SPATA16: variants seen among roughly 807,000 people sequenced by gnomAD.
The protein encoded by SPATA16 is spermatogenesis-associated protein 16.
SPATA16 carries 36 observed loss-of-function variants against 63.3 expected under a neutral mutation model. The observed-to-expected ratio is 0.57, with a 90% CI of 0.44 to 0.75. The LOEUF (loss-of-function observed/expected upper bound fraction) is 0.75. Among genes scored for constraint, SPATA16 ranks in the 30% least tolerant of loss-of-function variants. The probability of loss-of-function intolerance (pLI) is 0.00; values close to 1 mark genes in which losing one functional copy is unlikely to be tolerated. For missense variants in SPATA16, 646 were observed against 679.3 expected (o/e 0.95, Z 0.54); for synonymous variants, 203 against 216.7 (o/e 0.94, Z 0.56).
chr3:173,020,221 C>T (rs1309520800), intron 3 of SPATA16, among the ~76,000 whole-genome samples: 3 of 151,194 alleles, frequency 2.0e-5, no homozygotes, highest in Non-Finnish European at 2.9e-5. Flanking sequence ...TGCTTGAACC[C>T]GGGAGGCAGA....
At chr3:173,107,242 T>C (rs891520963) in intron 2 of SPATA16, among the ~76,000 whole-genome samples, 3 of 151,606 alleles carry the variant, frequency 2.0e-5, no homozygotes, top group Non-Finnish European at 2.9e-5. Context: ...TGTAATTTGC[T>C]CTGTAAAATC....
chr3:173,036,172 A>G (rs1735711543), intron 3 of SPATA16, among the ~76,000 whole-genome samples: 1 of 152,018 alleles, frequency 6.6e-6, no homozygotes, highest in Non-Finnish European at 1.5e-5. Context: ...ACTTGGAAGA[A>G]TGGCTAACAA....
At chr3:172,990,014 A>G (rs1186050178) in intron 4 of SPATA16, among the ~76,000 whole-genome samples, 1 of 152,190 alleles carries the variant, frequency 6.6e-6, no homozygotes, top group Non-Finnish European at 1.5e-5. Context: ...ACCCTGTCAT[A>G]GCACTTTGCT....
intron 6 of SPATA16, among the ~76,000 whole-genome samples, chr3:172,936,792 C>T (rs1012944367): frequency 6.6e-6 from 1 of 152,210 alleles, no homozygotes; most frequent in Non-Finnish European, 1.5e-5. Flanking sequence ...ACTGCAACCT[C>T]TGCCTTCTGG....
At chr3:173,027,481 C>T (rs1735477280) in intron 3 of SPATA16, among the ~76,000 whole-genome samples, 1 of 151,830 alleles carries the variant, frequency 6.6e-6, no homozygotes, top group Non-Finnish European at 1.5e-5. Context: ...TTTTGTTTTA[C>T]TTCCCTCAGA....
At chr3:172,977,651 AC>A (rs1734196181) in intron 4 of SPATA16, among the ~76,000 whole-genome samples, 1 of 152,136 alleles carries the variant, frequency 6.6e-6, no homozygotes, top group Non-Finnish European at 1.5e-5. Flanking sequence ...GATATTAAAA[AC>A]TATTGTGCAA....
At chr3:173,118,745 A>T (rs1272991005) in intron 1 of SPATA16, among the ~76,000 whole-genome samples, 2 of 152,210 alleles carry the variant, frequency 1.3e-5, no homozygotes, top group African/African-American at 4.8e-5. Flanking sequence ...CTACCCATTC[A>T]GATTGCTATT....
chr3:172,932,687 A>G (rs1485110978), intron 6 of SPATA16, among the ~76,000 whole-genome samples: 2 of 152,108 alleles, frequency 1.3e-5, no homozygotes, highest in African/African-American at 2.4e-5. Flanking sequence ...CCCCCCCATA[A>G]ATAATAAAAT....
chr3:173,032,859 T>C (rs1239050779), intron 3 of SPATA16, among the ~76,000 whole-genome samples: 2 of 152,130 alleles, frequency 1.3e-5, no homozygotes, highest in African/African-American at 2.4e-5. Flanking sequence ...TGGCACATAA[T>C]AGGCAGTCAA....
intron 4 of SPATA16, among the ~76,000 whole-genome samples, chr3:173,005,341 A>AG (rs1734918527): frequency 6.6e-6 from 1 of 150,686 alleles, no homozygotes; most frequent in Admixed American, 6.6e-5. Context: ...AAAAAAAAAA[A>AG]AAAAAAGAAA....
At chr3:173,079,931 T>G (rs1736888052) in intron 2 of SPATA16, among the ~76,000 whole-genome samples, 1 of 152,134 alleles carries the variant, frequency 6.6e-6, no homozygotes, top group Non-Finnish European at 1.5e-5. Context: ...ATAAGAGCTG[T>G]AATAGAGTTG....
chr3:173,053,794 G>A (rs1736153710), intron 2 of SPATA16, among the ~76,000 whole-genome samples: 3 of 151,986 alleles, frequency 2.0e-5, no homozygotes, highest in Admixed American at 2.0e-4. Context: ...CATTGTTTGA[G>A]TCATCAAATG....
intron 1 of SPATA16, among the ~76,000 whole-genome samples, chr3:173,122,523 G>A (rs554451989): frequency 2.6e-5 from 4 of 151,684 alleles, no homozygotes; most frequent in Admixed American, 2.0e-4. Flanking sequence ...AAAAAAAAAA[G>A]ATCTAATTTT....
At chr3:173,083,523 C>T (rs1210128151) in intron 2 of SPATA16, among the ~76,000 whole-genome samples, 1 of 152,052 alleles carries the variant, frequency 6.6e-6, no homozygotes, top group South Asian at 2.1e-4. Context: ...GGTACATGTG[C>T]AGGATATGTA....
chr3:173,057,580 A>G (rs914754722), intron 2 of SPATA16, among the ~76,000 whole-genome samples: 2 of 152,130 alleles, frequency 1.3e-5, no homozygotes, highest in African/African-American at 2.4e-5. Flanking sequence ...AGTTCATTTT[A>G]TAAGCCAATG....
intron 5 of SPATA16, among the ~76,000 whole-genome samples, chr3:172,965,770 G>T (rs1455629843): frequency 6.6e-6 from 1 of 152,020 alleles, no homozygotes; most frequent in Non-Finnish European, 1.5e-5. Context: ...TAGAGATGGG[G>T]TTTCACCATG....
At chr3:172,929,677 G>C (rs1732824429) in intron 6 of SPATA16, among the ~76,000 whole-genome samples, 1 of 152,038 alleles carries the variant, frequency 6.6e-6, no homozygotes, top group African/African-American at 2.4e-5. Context: ...ACACCCTTGG[G>C]AATATCTCTA....
chr3:173,051,557 G>A (rs1439890163), intron 2 of SPATA16, among the ~76,000 whole-genome samples: 1 of 151,830 alleles, frequency 6.6e-6, no homozygotes, highest in Non-Finnish European at 1.5e-5. Flanking sequence ...GCTGGGTCTC[G>A]AACTCCTGAC....
At chr3:173,037,277 T>A (rs967788413) in intron 3 of SPATA16, among the ~76,000 whole-genome samples, 1 of 152,074 alleles carries the variant, frequency 6.6e-6, no homozygotes, top group Non-Finnish European at 1.5e-5. Context: ...GACTTCTCGA[T>A]GTTATTTTCA....
Sources: allele counts gnomAD v4.1 joint callset (sites outside exome capture counted in the v4.1 genomes callset), GRCh38; gene constraint gnomAD v4.1.1; transcripts MANE v1.5; gene names NCBI Gene and HGNC (gene_info 2026-07-23, HGNC 2026-07-21).